ALOX15B: variants seen among roughly 807,000 people sequenced by gnomAD.
The protein encoded by ALOX15B is arachidonate 15-lipoxygenase type B.
ALOX15B carries 74 observed loss-of-function variants against 73.8 expected under a neutral mutation model. The ratio of observed to expected loss-of-function variants is 1.00; its 90% CI spans 0.83 to 1.22. The LOEUF (loss-of-function observed/expected upper bound fraction) is 1.22, where lower values mean the gene tolerates loss of function less well. Ranked by LOEUF, ALOX15B falls within the 50% of genes most tolerant of loss-of-function variation. The pLI is 0.00. For synonymous variants in ALOX15B, 353 were observed against 357.2 expected (o/e 0.99, Z 0.13); for missense variants, 896 against 859.9 (o/e 1.04, Z -0.52).
In ALOX15B at chr17:8,048,908, G is replaced by A. The variant is rs763518276; in HGVS notation, c.*343G>A. On this transcript the variant is annotated 3_prime_UTR_variant, in exon 14 of 14. Transcript: ENST00000380183. The stretch of plus-strand genomic sequence containing the variant: ...GCCGTGGGGGGAAGCACATAATCCC[G>A]CCCCAGGGCCCACTAGCATCCACTG... 8 of 189,670 alleles carry A rather than the reference G, an allele frequency of 4.2e-5. No individual in the cohort carries two copies. The Admixed American group carries it at 4.5e-4, about 11-fold the overall frequency. The allele number at this position is 189,670 out of a possible 1,614,324, so 11.7% of individuals were successfully genotyped here.
rs753827024 is a variant in ALOX15B at position 8,046,769 on chromosome 17, G to T, written c.1287+15G>T. 4 of 1,613,396 alleles carry T rather than the reference G, an allele frequency of 2.5e-6. No homozygotes were observed. Among genetic ancestry groups the T allele is most frequent in the Non-Finnish European group, 3.4e-6 (4 of 1,179,740 alleles). Reference sequence around the variant, plus strand: ...TGGTGGACAGGGTGAGAGCTGTGTTGGGGAGGGAGTAGGCAGGCCACTCCT... The same window carrying T: ...TGGTGGACAGGGTGAGAGCTGTGTTTGGGAGGGAGTAGGCAGGCCACTCCT... On this transcript the variant is annotated intron_variant, in intron 9 of 13. Coordinates refer to ENST00000380183, the MANE Select transcript of ALOX15B (RefSeq NM_001141.3).
intron 12 of ALOX15B, 32 bp from the exon 13 acceptor site, chr17:8,047,713 C>T (rs1446038401): frequency 6.2e-7 from 1 of 1,614,000 alleles, no homozygotes; most frequent in South Asian, 1.1e-5. Flanking sequence ...TGACCCAGCT[C>T]CTCAGCCTCA....
In ALOX15B at chr17:8,042,923, G is replaced by T. The variant is rs754733311; in HGVS notation, c.676+39G>T. 2.0e-6 allele frequency: 3 copies of T among 1,497,214 alleles called. No homozygotes were observed. In the South Asian group the frequency reaches 3.6e-5, roughly 18 times the overall value. 92.7% of individuals were successfully genotyped at this position (1,497,214 alleles called of 1,614,324 possible). On this transcript the variant is annotated intron_variant, in intron 5 of 13. Coordinates refer to ENST00000380183, the MANE Select transcript of ALOX15B (RefSeq NM_001141.3). ...GCCAGGGATCCTGACCTCTTTCCTG[G>T]GGCATCAGCTCCTGTGGCTGCCCAG...
chr17:8,049,027 C>A lies in ALOX15B; in HGVS notation c.*462C>A, dbSNP rs1976690331. ...GTGGCTCATGCCCATAATCCCAGCA[C>A]TTTGGGAGATGGAGGCGGGAAAATC... On this transcript the variant is annotated 3_prime_UTR_variant, in exon 14 of 14. Transcript: ENST00000380183. The A allele has an allele frequency of 6.5e-6, 1 of 153,240 alleles. No individual in the cohort carries two copies. The highest frequency in any genetic ancestry group is 1.5e-5 in the Non-Finnish European group (1 of 68,814). The allele number at this position is 153,240 out of a possible 1,614,324, so 9.5% of individuals were successfully genotyped here.
intron 5 of ALOX15B, 84 bp from the exon 6 acceptor site, chr17:8,044,745 G>A: frequency 8.5e-7 from 1 of 1,180,698 alleles, no homozygotes; most frequent in Non-Finnish European, 1.2e-6. Context: ...TGTGGGAGCT[G>A]GGGTAACCCC....
intron 13 of ALOX15B, among the ~76,000 whole-genome samples, chr17:8,048,161 A>G (rs777670058): frequency 2.7e-4 from 41 of 152,266 alleles, no homozygotes; most frequent in Middle Eastern, 3.4e-3. Context: ...TTCCGAATTG[A>G]GCTTTCATTC....
Position 8,040,093 on chromosome 17 carries a change from A to C in ALOX15B, c.449+110A>C, listed in dbSNP as rs1455945186. ...GCCCCTGCCTCCACCTCTCCTATCA[A>C]AGCTGCTCCTGGGATCAGCAGCGTC... On this transcript the variant is annotated intron_variant, in intron 3 of 13. Transcript: ENST00000380183. 4.8e-6 allele frequency: 5 copies of C among 1,044,320 alleles called. No individual in the cohort carries two copies. The East Asian group carries it at 1.3e-4, about 26-fold the overall frequency. 64.7% of individuals were successfully genotyped at this position (1,044,320 alleles called of 1,614,324 possible).
intron 8 of ALOX15B, among the ~76,000 whole-genome samples, chr17:8,045,891 G>A (rs988428904): frequency 6.6e-5 from 10 of 152,182 alleles, no homozygotes; most frequent in Admixed American, 2.6e-4. Flanking sequence ...AAAGGCTCTC[G>A]AAGGGAGATC....
rs1400479115 is a variant in ALOX15B at position 8,042,870 on chromosome 17, G to T, written c.662G>T (p.Arg221Met). 4 of 1,552,654 alleles carry T rather than the reference G, an allele frequency of 2.6e-6. No homozygotes were observed. The African/African-American group carries it at 4.1e-5, about 16-fold the overall frequency. The change falls in exon 5 of 14, where the codon AGG becomes ATG. Residue 221 changes from arginine (R) to methionine (M), a missense_variant. By Grantham distance (91) the Arg-to-Met change is moderately conservative. Coordinates refer to ENST00000380183, the MANE Select transcript of ALOX15B (RefSeq NM_001141.3). The part of the protein sequence containing the change: ...NEMKRIFNFR[R>M]TPAAEHAFEH... Reference sequence around the variant, plus strand: ...ATGAAAAGGATCTTCAACTTCCGGAGGACCCCAGCAGCTGGTGAGGAGCTT... The same window carrying T: ...ATGAAAAGGATCTTCAACTTCCGGATGACCCCAGCAGCTGGTGAGGAGCTT...
chr17:8,039,762 G>C (rs892724552), intron 2 of ALOX15B, 140 bp from the exon 3 acceptor site: 2 of 1,181,888 alleles, frequency 1.7e-6, no homozygotes, highest in African/African-American at 3.1e-5. Flanking sequence ...GGGAGCGGGA[G>C]GTAGCAGCCT....
At chr17:8,043,442 G>C (rs1976515265) in intron 5 of ALOX15B, among the ~76,000 whole-genome samples, 1 of 152,248 alleles carries the variant, frequency 6.6e-6, no homozygotes. Context: ...AAACACCACT[G>C]TGGTCAAAGT....
intron 5 of ALOX15B, among the ~76,000 whole-genome samples, chr17:8,044,478 G>A (rs1357903686): frequency 6.6e-6 from 1 of 151,826 alleles, no homozygotes; most frequent in African/African-American, 2.4e-5. Context: ...CTCCTCTGTA[G>A]GCAACTGGGT....
At position 8,047,657 on chromosome 17, in the gene ALOX15B, C is replaced by T; in HGVS notation, c.1673C>T (p.Ala558Val). The part of the protein sequence containing the change: ...TCSAKHAAVS[A>V]GQFDSCAWMP... ...TCCGCCAAGCATGCGGCTGTCAGTG[C>T]AGGGCAGGTGAGGAAAGGCCAGCGC... Residue 558 changes from alanine (A) to valine (V), a missense_variant, in exon 12 of 14, where the codon GCA (alanine) becomes GTA (valine). Coordinates refer to ENST00000380183, the MANE Select transcript of ALOX15B (RefSeq NM_001141.3). The T allele has an allele frequency of 6.2e-7, 1 of 1,612,302 alleles. No homozygotes were observed. Among genetic ancestry groups the T allele is most frequent in the African/African-American group, 1.3e-5 (1 of 75,014 alleles).
At chr17:8,040,265 GGTGCC>G (rs1976400584) in intron 3 of ALOX15B, among the ~76,000 whole-genome samples, 1 of 152,092 alleles carries the variant, frequency 6.6e-6, no homozygotes, top group African/African-American at 2.4e-5. Context: ...TCTAGGGCCA[GGTGCC>G]GTGGTGGCTC....
chr17:8,046,819 G>A, intron 9 of ALOX15B, 65 bp downstream of exon 9: 1 of 1,611,840 alleles, frequency 6.2e-7, no homozygotes, highest in South Asian at 1.1e-5. Context: ...TTGAGGTCCT[G>A]GGGTAGGAGT....
In ALOX15B at chr17:8,039,126, G is replaced by A. The variant is rs376917454; in HGVS notation, c.-30G>A. 16 of 1,605,906 alleles carry A rather than the reference G, an allele frequency of 1.0e-5. No individual in the cohort carries two copies. In the African/African-American group the frequency reaches 1.6e-4, roughly 16 times the overall value. On this transcript the variant is annotated 5_prime_UTR_variant, in exon 1 of 14. Coordinates refer to ENST00000380183, the MANE Select transcript of ALOX15B (RefSeq NM_001141.3). ...GGAGCCCCGCTCTGCAGCCCTGTGC[G>A]CCGTAGAGAGCTGGACTTAGGCTGG... is the stretch of plus-strand genomic sequence containing the variant.
In ALOX15B at chr17:8,039,530, C is replaced by T. The variant is rs772831605; in HGVS notation, c.292C>T (p.Arg98Trp). The change falls in exon 2 of 14, where the codon CGG becomes TGG. Residue 98 changes from arginine (R) to tryptophan (W), a missense_variant. Transcript: ENST00000380183. ...FCRWFQLTPP[R>W]GGHLLFPCYQ... ...CCGCTGGTTCCAGCTGACACCGCCG[C>T]GGGGCGGCCACCTCCTCTTCCCCTG... The T allele has an allele frequency of 1.9e-5, 25 of 1,348,230 alleles. No homozygotes were observed. In the African/African-American group the frequency reaches 2.9e-4, roughly 16 times the overall value. 83.5% of individuals were successfully genotyped at this position (1,348,230 alleles called of 1,614,324 possible).
chr17:8,048,308 G>A, intron 13 of ALOX15B, 78 bp from the exon 14 acceptor site: 3 of 1,514,098 alleles, frequency 2.0e-6, no homozygotes, highest in Non-Finnish European at 2.7e-6. Context: ...AGTTGCAGCT[G>A]CTCAGATAGT....
chr17:8,048,468 C>T lies in ALOX15B; in HGVS notation c.1934C>T (p.Ala645Val), dbSNP rs201814645. Residue 645 changes from alanine (A) to valine (V), a missense_variant, in exon 14 of 14, where the codon GCC becomes GTC. Coordinates refer to ENST00000380183, the MANE Select transcript of ALOX15B (RefSeq NM_001141.3). Reference sequence around the variant, plus strand: ...ATCGCCACCTTCCAGAGCCGCCTGGCCCAGATCTCGAGGGGCATCCAGGAG... The same window carrying T: ...ATCGCCACCTTCCAGAGCCGCCTGGTCCAGATCTCGAGGGGCATCCAGGAG... The part of the protein sequence containing the change: ...RSIATFQSRL[A>V]QISRGIQERN... 20 of 1,614,112 alleles carry T rather than the reference C, an allele frequency of 1.2e-5. No homozygotes were observed. The East Asian group carries it at 4.2e-4, about 34-fold the overall frequency.
Sources: allele counts gnomAD v4.1 joint callset (sites outside exome capture counted in the v4.1 genomes callset), GRCh38; gene constraint gnomAD v4.1.1; transcripts MANE v1.5; gene names NCBI Gene and HGNC (gene_info 2026-07-23, HGNC 2026-07-21).